AGMO: variants seen among roughly 807,000 people sequenced by gnomAD.
The protein encoded by AGMO is alkylglycerol monooxygenase.
A neutral mutation model predicts 60.2 loss-of-function variants in AGMO; 75 were observed. That is an observed-to-expected ratio of 1.25 (90% confidence interval 1.03 to 1.51). The LOEUF (loss-of-function observed/expected upper bound fraction) is 1.51. AGMO is among the 40% of genes most tolerant of loss of function. AGMO has a pLI of 0.00. For synonymous variants in AGMO, 261 were observed against 177.1 expected, an observed-to-expected ratio of 1.47 and a Z score of -3.76; for missense variants, 763 against 525.5, an observed-to-expected ratio of 1.45 and a Z score of -4.42.
At chr7:15,275,277 T>C (rs900948723) in intron 12 of AGMO, among the ~76,000 whole-genome samples, 3 of 152,188 alleles carry the variant, frequency 2.0e-5, no homozygotes, top group African/African-American at 7.2e-5. Flanking sequence ...TTTTTTGAAT[T>C]CTGCTTTAGT....
chr7:15,411,559 T>C (rs1010227298), intron 5 of AGMO, among the ~76,000 whole-genome samples: 1 of 152,048 alleles, frequency 6.6e-6, no homozygotes, highest in Non-Finnish European at 1.5e-5. Flanking sequence ...GTATTTACAA[T>C]ATTCATATTA....
At chr7:15,258,008 C>CT (rs1783150638) in intron 12 of AGMO, among the ~76,000 whole-genome samples, 1 of 152,054 alleles carries the variant, frequency 6.6e-6, no homozygotes, top group African/African-American at 2.4e-5. Flanking sequence ...TATGAAAACT[C>CT]AGAATAATAA....
At chr7:15,247,459 C>CACACACAGAGAGAGAGAGAGAG (rs139642069) in intron 12 of AGMO, among the ~76,000 whole-genome samples, 14 of 115,282 alleles carry the variant, frequency 1.2e-4, no homozygotes, top group African/African-American at 4.9e-4. Flanking sequence ...CACACACACA[C>CACACACAGAGAGAGAGAGAGAG]AGAGAGAGAG....
At chr7:15,326,675 A>C (rs1050843322) in intron 12 of AGMO, among the ~76,000 whole-genome samples, 2 of 152,206 alleles carry the variant, frequency 1.3e-5, no homozygotes, top group Admixed American at 1.3e-4. Flanking sequence ...TTCTCTCCCC[A>C]TGGCAGAATT....
chr7:15,545,436 A>G (rs1205494077), intron 2 of AGMO, among the ~76,000 whole-genome samples: 1 of 151,964 alleles, frequency 6.6e-6, no homozygotes, highest in Non-Finnish European at 1.5e-5. Context: ...TTCTGTCTAA[A>G]TCTATTCTCT....
At chr7:15,175,165 A>C in the AGMO span, among the ~76,000 whole-genome samples, 1 of 151,986 alleles carries the variant, frequency 6.6e-6, no homozygotes, top group Non-Finnish European at 1.5e-5. Context: ...CATAATTTTT[A>C]ATTTAAATTT....
intron 5 of AGMO, among the ~76,000 whole-genome samples, chr7:15,414,240 C>T (rs528228000): frequency 2.4e-4 from 37 of 152,152 alleles, no homozygotes; most frequent in African/African-American, 6.5e-4. Context: ...ACCTCATGAT[C>T]CACCCACCTC....
intron 12 of AGMO, among the ~76,000 whole-genome samples, chr7:15,218,223 T>A (rs1583300184): frequency 1.3e-5 from 2 of 152,188 alleles, no homozygotes; most frequent in African/African-American, 4.8e-5. Flanking sequence ...ATGTAATTTT[T>A]TAAAAAGCAG....
chr7:15,549,473 C>T (rs1364350383), intron 2 of AGMO, among the ~76,000 whole-genome samples: 5,478 of 150,618 alleles, frequency 0.036, 332 homozygotes, highest in African/African-American at 0.13. Flanking sequence ...TGGAGGAAGA[C>T]CTACCAAGCA....
chr7:15,117,253 C>T, the AGMO span, among the ~76,000 whole-genome samples: 16 of 151,936 alleles, frequency 1.1e-4, 1 homozygote, highest in East Asian at 1.9e-3. Flanking sequence ...ATCAGATTAG[C>T]GGTTTCCAAG....
rs75547615 is a variant in AGMO, at chr7:15,325,696, G to A, written c.1263+39818C>T. Among the ~76,000 whole-genome samples, 2,499 of 152,158 alleles carry A rather than the reference G, an allele frequency of 0.016. 127 individuals are homozygous for A. The East Asian group carries it at 0.18, about 11-fold the overall frequency. On this transcript the variant is annotated intron_variant, in intron 12 of 12. Coordinates refer to ENST00000342526, the MANE Select transcript of AGMO (RefSeq NM_001004320.2). ...GCAAAATGCTTAAACTGAAAATATA[G>A]CATTGTACCTTATCAGCTCACATTT...
At position 15,248,223 on chromosome 7, in the gene AGMO, T is replaced by TATATATATATATATA. The variant is rs71004372; in HGVS notation, c.1264-46865_1264-46864insTATATATATATATAT. On this transcript the variant is annotated intron_variant, in intron 12 of 12. Coordinates refer to ENST00000342526, the MANE Select transcript of AGMO (RefSeq NM_001004320.2). ...ATATATATATATATATATATATATATATCTTCATCTTCAATTCTAGTCTAA... is the reference window on the plus strand; with the variant it reads ...ATATATATATATATATATATATATATATATATATATATATAATCTTCATCTTCAATTCTAGTCTAA... Among the ~76,000 whole-genome samples the TATATATATATATATA allele has an allele frequency of 4.7e-4, 53 of 111,980 alleles. 4 individuals are homozygous for TATATATATATATATA. The highest frequency in any genetic ancestry group is 8.5e-4 in the South Asian group (3 of 3,516). 73.5% of individuals were successfully genotyped at this position (111,980 alleles called of 152,430 possible).
intron 12 of AGMO, 34 bp downstream of exon 12, chr7:15,365,480 C>T (rs1277785682): frequency 4.9e-6 from 7 of 1,423,446 alleles, no homozygotes; most frequent in East Asian, 2.4e-5. Flanking sequence ...GATAGGTATA[C>T]GCCATCCTGT....
intron 3 of AGMO, among the ~76,000 whole-genome samples, chr7:15,538,957 G>T (rs141066882): frequency 0.014 from 2,200 of 152,148 alleles, 57 homozygotes; most frequent in African/African-American, 0.05. Flanking sequence ...AGGAAAAAAA[G>T]TTACAGTTTG....
intron 12 of AGMO, among the ~76,000 whole-genome samples, chr7:15,270,626 T>C (rs10243767): frequency 0.048 from 4,115 of 84,850 alleles, 433 homozygotes; most frequent in African/African-American, 0.13. Context: ...TTTTTTTTTT[T>C]TTTTTTTTTT....
At chr7:15,319,043 C>T (rs928697896) in intron 12 of AGMO, among the ~76,000 whole-genome samples, 1 of 152,062 alleles carries the variant, frequency 6.6e-6, no homozygotes, top group Non-Finnish European at 1.5e-5. Context: ...ACTCTTTCAT[C>T]GGTTTCTTTT....
At chr7:15,195,041 G>A in the AGMO span, among the ~76,000 whole-genome samples, 39 of 152,248 alleles carry the variant, frequency 2.6e-4, no homozygotes, top group Non-Finnish European at 3.2e-4. Context: ...ATTATGTATG[G>A]ACATCTTTTA....
At chr7:15,393,875 GA>G (rs1784252735) in intron 6 of AGMO, among the ~76,000 whole-genome samples, 1 of 152,100 alleles carries the variant, frequency 6.6e-6, no homozygotes, top group African/African-American at 2.4e-5. Flanking sequence ...GATTTAGGTA[GA>G]AAGAAAAATC....
At chr7:15,552,364 A>G (rs1784989585) in intron 2 of AGMO, among the ~76,000 whole-genome samples, 1 of 152,214 alleles carries the variant, frequency 6.6e-6, no homozygotes, top group Non-Finnish European at 1.5e-5. Context: ...AAAAGAAACT[A>G]CCATTAGAGT....
Sources: gnomAD v4.1 joint callset for allele counts (sites outside exome capture counted in the v4.1 genomes callset) on GRCh38, gnomAD v4.1.1 for gene constraint, MANE v1.5 for transcripts, NCBI Gene and HGNC (gene_info 2026-07-23, HGNC 2026-07-21) for gene names.